Variants in MAPK10 observed in about 807,000 individuals in gnomAD.
MAPK10 encodes mitogen-activated protein kinase 10.
MAPK10 carries 25 observed loss-of-function variants against 59.3 expected under a neutral mutation model. The observed-to-expected ratio is 0.42, with a 90% CI of 0.31 to 0.59. The LOEUF (loss-of-function observed/expected upper bound fraction) is 0.59. MAPK10 is among the 20% of genes least tolerant of loss of function. The pLI is 0.15. For missense variants in MAPK10, 351 were observed against 568.9 expected (o/e 0.62, Z 3.90); for synonymous variants, 190 against 200.5 (o/e 0.95, Z 0.44).
chr4:86,515,852 T>A (rs533044235), intron 1 of MAPK10, among the ~76,000 whole-genome samples: 1 of 151,856 alleles, frequency 6.6e-6, no homozygotes, highest in African/African-American at 2.4e-5. Flanking sequence ...TTAAGACACA[T>A]CTATTTATCT....
At chr4:86,341,986 A>G (rs554379748) in intron 2 of MAPK10, among the ~76,000 whole-genome samples, 2 of 152,292 alleles carry the variant, frequency 1.3e-5, no homozygotes, top group South Asian at 4.1e-4. Context: ...CTCATGTAAA[A>G]TAATAGAACT....
At chr4:86,087,460 T>G (rs1225035346) in intron 9 of MAPK10, among the ~76,000 whole-genome samples, 1 of 152,128 alleles carries the variant, frequency 6.6e-6, no homozygotes, top group Non-Finnish European at 1.5e-5. Context: ...TCCCTCCTGA[T>G]TTTTAAGAAA....
At chr4:86,242,506 C>A (rs911466805) in intron 2 of MAPK10, among the ~76,000 whole-genome samples, 7 of 152,186 alleles carry the variant, frequency 4.6e-5, no homozygotes, top group Admixed American at 6.5e-5. Flanking sequence ...GGGGCTCAGG[C>A]CCAGGGAGAT....
At chr4:86,083,640 C>T (rs2051140407) in intron 9 of MAPK10, among the ~76,000 whole-genome samples, 2 of 152,178 alleles carry the variant, frequency 1.3e-5, no homozygotes, top group South Asian at 2.1e-4. Flanking sequence ...GACTGCAACT[C>T]CTAGGAAAGT....
intron 1 of MAPK10, among the ~76,000 whole-genome samples, chr4:86,390,902 G>A (rs1742101681): frequency 6.6e-6 from 1 of 152,172 alleles, no homozygotes; most frequent in East Asian, 1.9e-4. Flanking sequence ...TATTATCTCT[G>A]GTATCTTACT....
intron 2 of MAPK10, among the ~76,000 whole-genome samples, chr4:86,271,147 G>A (rs1164023456): frequency 6.6e-6 from 1 of 151,958 alleles, no homozygotes; most frequent in Non-Finnish European, 1.5e-5. Flanking sequence ...CAGTATTTGA[G>A]AGCTCCAGTT....
At position 86,559,768 on chromosome 4, in the gene MAPK10, G is replaced by A. The variant is rs537005685; in HGVS notation, c.-263+34142C>T. On this transcript the variant is annotated intron_variant, in intron 1 of 4. Transcript: ENST00000502302. Reference sequence around the variant, plus strand: ...ATCCTGGCCAACATGGTGAAACCCCGTCTCTACTAAAAATACAAAAATTAG... The same window carrying A: ...ATCCTGGCCAACATGGTGAAACCCCATCTCTACTAAAAATACAAAAATTAG... 8.6e-5 allele frequency among the ~76,000 whole-genome samples: 13 copies of A among 151,868 alleles called. No individual in the cohort carries two copies. In the East Asian group the frequency reaches 2.1e-3, roughly 25 times the overall value.
At chr4:86,485,860 A>G (rs766539063) in intron 1 of MAPK10, among the ~76,000 whole-genome samples, 15 of 152,252 alleles carry the variant, frequency 9.9e-5, no homozygotes, top group Non-Finnish European at 1.8e-4. Context: ...ATGTGAGGAC[A>G]TAGTGAAAGG....
Position 86,017,348 on chromosome 4 carries a change from C to T in MAPK10, c.1275G>A (p.Glu425=). 3 of 1,614,138 alleles carry T rather than the reference C, an allele frequency of 1.9e-6. No individual in the cohort carries two copies. The highest frequency in any genetic ancestry group is 1.1e-5 in the South Asian group (1 of 91,076). Residue 425 remains glutamate (E), a synonymous_variant, in exon 14 of 14, where the codon GAG becomes GAA. Transcript: ENST00000641462. This position sits in a 1 kb window ranked among gnomAD's most constrained non-coding sequence, Gnocchi z 4.4. ...TGACAGACGAGGATGGAGGGAGACT[C>T]TCACTGCTGTTCACTGCTGCACCTG... ...SPSGAAVNSS[E]SLPPSSSVND...
chr4:86,564,697 C>T (rs1760931943), intron 1 of MAPK10, among the ~76,000 whole-genome samples: 1 of 152,068 alleles, frequency 6.6e-6, no homozygotes, highest in Middle Eastern at 3.2e-3. Flanking sequence ...CCTTTTCTAC[C>T]ACCTTTTTAA....
At chr4:86,165,340 T>C (rs986769056) in intron 3 of MAPK10, among the ~76,000 whole-genome samples, 5 of 152,096 alleles carry the variant, frequency 3.3e-5, no homozygotes, top group African/African-American at 1.2e-4. Flanking sequence ...GCTTAATCTA[T>C]TTTAAATATG....
At position 86,164,185 on chromosome 4, in the gene MAPK10, C is replaced by A. The variant is rs1424856312; in HGVS notation, c.67-4718G>T. The stretch of plus-strand genomic sequence containing the variant: ...CACTTAATAGCTGTGAAACCTTGGG[C>A]AAACTATTTTATTCTTTCATTTATT... On this transcript the variant is annotated intron_variant, in intron 3 of 13. Transcript: ENST00000641462. 5.9e-5 allele frequency among the ~76,000 whole-genome samples: 9 copies of A among 152,210 alleles called. No homozygotes were observed. In the East Asian group the frequency reaches 1.7e-3, roughly 29 times the overall value.
chr4:86,113,772 G>A (rs768132955), intron 4 of MAPK10, among the ~76,000 whole-genome samples: 70 of 152,142 alleles, frequency 4.6e-4, no homozygotes, highest in Non-Finnish European at 8.1e-4. Flanking sequence ...TTACTAGGTT[G>A]GAGATGTTCT....
chr4:86,358,039 C>G, intron 1 of MAPK10: 1 of 980,392 alleles, frequency 1.0e-6, no homozygotes, highest in Non-Finnish European at 1.2e-6. Context: ...TACTTTATGT[C>G]AATTTTAAGA....
At chr4:86,242,971 C>T (rs1267340359) in intron 2 of MAPK10, among the ~76,000 whole-genome samples, 4 of 152,174 alleles carry the variant, frequency 2.6e-5, no homozygotes, top group Non-Finnish European at 4.4e-5. Flanking sequence ...TGGGATCTTC[C>T]GATCATTGGG....
At chr4:86,591,223 C>A (rs1763021398) in intron 1 of MAPK10, among the ~76,000 whole-genome samples, 1 of 152,056 alleles carries the variant, frequency 6.6e-6, no homozygotes, top group Non-Finnish European at 1.5e-5. Context: ...CATGCCCAGC[C>A]AGTTTTATAA....
intron 9 of MAPK10, among the ~76,000 whole-genome samples, chr4:86,076,653 T>A (rs2049541291): frequency 6.6e-6 from 1 of 152,206 alleles, no homozygotes; most frequent in Admixed American, 6.5e-5. Context: ...CAGGCCAACA[T>A]ATTCCTGTAA....
intron 3 of MAPK10, chr4:86,192,088 G>T (rs193159864): frequency 3.1e-4 from 47 of 152,184 alleles, no homozygotes; most frequent in Admixed American, 2.8e-3. Flanking sequence ...TAAGAATGTC[G>T]AATATTGCCC....
At chr4:86,164,088 AT>A (rs1487953652) in intron 3 of MAPK10, among the ~76,000 whole-genome samples, 1 of 152,138 alleles carries the variant, frequency 6.6e-6, no homozygotes, top group Non-Finnish European at 1.5e-5. Context: ...AGGTTTAAGA[AT>A]TTTTGGAGGT....
Sources: gnomAD v4.1 joint callset for allele counts (sites outside exome capture counted in the v4.1 genomes callset) on GRCh38, gnomAD v4.1.1 for gene constraint, Gnocchi (gnomAD v3.1) non-coding constraint, MANE v1.5 for transcripts, NCBI Gene and HGNC (gene_info 2026-07-23, HGNC 2026-07-21) for gene names.